Variants in AK5 observed in about 807,000 individuals in gnomAD.
The protein encoded by AK5 is adenylate kinase isoenzyme 5.
Under a neutral mutation model 69.5 loss-of-function variants are expected in AK5, and 27 were observed. The ratio of observed to expected loss-of-function variants is 0.39; its 90% CI spans 0.29 to 0.54. The LOEUF is 0.54. AK5 is among the 20% of genes least tolerant of loss of function. The pLI is 0.71. For synonymous variants in AK5, 260 were observed against 244.4 expected (o/e 1.06, Z -0.60); for missense variants, 531 against 700.4 (o/e 0.76, Z 2.73).
intron 6 of AK5, among the ~76,000 whole-genome samples, chr1:77,364,766 C>G (rs562333661): frequency 6.6e-6 from 1 of 152,118 alleles, no homozygotes; most frequent in Non-Finnish European, 1.5e-5. Flanking sequence ...TTTATCCATT[C>G]GTCTGTTGAT....
intron 6 of AK5, among the ~76,000 whole-genome samples, chr1:77,363,371 A>C (rs1334337435): frequency 6.6e-6 from 1 of 151,982 alleles, no homozygotes; most frequent in African/African-American, 2.4e-5. Flanking sequence ...CCATCTCTCT[A>C]CTGGATTCTT....
chr1:77,544,358 C>A (rs1270274955), intron 13 of AK5, among the ~76,000 whole-genome samples: 1 of 152,080 alleles, frequency 6.6e-6, no homozygotes, highest in Non-Finnish European at 1.5e-5. Context: ...AAATATTTTT[C>A]TTTCTTCAAT....
At chr1:77,433,425 G>A (rs1451326894) in intron 8 of AK5, among the ~76,000 whole-genome samples, 5 of 150,036 alleles carry the variant, frequency 3.3e-5, no homozygotes, top group South Asian at 2.1e-4. Flanking sequence ...CTTCTTGAGG[G>A]TAGGAAGCCA....
At chr1:77,343,520 A>G (rs970746280) in intron 6 of AK5, among the ~76,000 whole-genome samples, 1 of 152,194 alleles carries the variant, frequency 6.6e-6, no homozygotes, top group Non-Finnish European at 1.5e-5. Flanking sequence ...AACATGGTAG[A>G]TGATAGTAAT....
chr1:77,491,609 A>G (rs1204442513), intron 10 of AK5, among the ~76,000 whole-genome samples: 1 of 152,178 alleles, frequency 6.6e-6, no homozygotes, highest in East Asian at 1.9e-4. Flanking sequence ...TCAGCCATGA[A>G]TTGATTATTT....
chr1:77,395,643 ATC>A (rs2100537041), intron 6 of AK5, among the ~76,000 whole-genome samples: 1 of 152,334 alleles, frequency 6.6e-6, no homozygotes, highest in African/African-American at 2.4e-5. Context: ...GCAGAACAGC[ATC>A]TCTCATTGCA....
chr1:77,301,859 C>T (rs1659360420), intron 5 of AK5, among the ~76,000 whole-genome samples: 1 of 152,212 alleles, frequency 6.6e-6, no homozygotes, highest in Non-Finnish European at 1.5e-5. Flanking sequence ...TGCAAAGGTC[C>T]TTGCCCTGGC....
intron 8 of AK5, among the ~76,000 whole-genome samples, chr1:77,423,218 CTAAAAAAA>C (rs1216448749): frequency 3.6e-5 from 1 of 27,860 alleles, no homozygotes; most frequent in Non-Finnish European, 7.5e-5. Flanking sequence ...AAGACTCCGT[CTAAAAAAA>C]AAAATAAAAA....
chr1:77,339,174 A>G (rs1661519149), intron 5 of AK5, among the ~76,000 whole-genome samples: 1 of 152,278 alleles, frequency 6.6e-6, no homozygotes, highest in African/African-American at 2.4e-5. Context: ...TATCATATGT[A>G]CATGCATAAT....
At chr1:77,434,768 C>A (rs1268910117) in intron 8 of AK5, among the ~76,000 whole-genome samples, 1 of 152,188 alleles carries the variant, frequency 6.6e-6, no homozygotes, top group African/African-American at 2.4e-5. Flanking sequence ...ACTGGAAGCC[C>A]GTTTAAATAA....
rs577927318 is a variant in AK5 at position 77,487,050 on chromosome 1, AT to A, written c.1147+699del. Among the ~76,000 whole-genome samples the A allele has an allele frequency of 7.9e-5, 12 of 152,346 alleles. No homozygotes were observed. In the South Asian group the frequency reaches 2.5e-3, roughly 32 times the overall value. On this transcript the variant is annotated intron_variant, in intron 10 of 13. Transcript: ENST00000354567. ...AGCTCAATAGCCAGATCCTGATTCT[AT>A]ACAGCAAACAGTAAAAACTATCTAA...
At chr1:77,319,327 G>A (rs1436459386) in intron 5 of AK5, among the ~76,000 whole-genome samples, 2 of 152,220 alleles carry the variant, frequency 1.3e-5, no homozygotes, top group Non-Finnish European at 2.9e-5. Context: ...ATACATTTCA[G>A]AAGAGTCATC....
At chr1:77,319,688 T>G (rs1660423198) in intron 5 of AK5, among the ~76,000 whole-genome samples, 1 of 152,236 alleles carries the variant, frequency 6.6e-6, no homozygotes, top group South Asian at 2.1e-4. Context: ...AAAAGACCAG[T>G]TTCTTGAGAA....
intron 6 of AK5, among the ~76,000 whole-genome samples, chr1:77,393,398 G>T (rs559763660): frequency 6.6e-6 from 1 of 152,136 alleles, no homozygotes; most frequent in South Asian, 2.1e-4. Flanking sequence ...GTGAAAGCTA[G>T]GCACAGATTG....
chr1:77,502,357 A>G (rs762446808), intron 10 of AK5, among the ~76,000 whole-genome samples: 4 of 152,170 alleles, frequency 2.6e-5, no homozygotes, highest in Non-Finnish European at 4.4e-5. Context: ...GAAATGGGGC[A>G]GAAGAACTTG....
intron 7 of AK5, 142 bp downstream of exon 7, chr1:77,411,213 A>G: frequency 1.5e-6 from 1 of 680,258 alleles, no homozygotes. Flanking sequence ...TATAAAAATA[A>G]AAGTATAAAA....
intron 6 of AK5, among the ~76,000 whole-genome samples, chr1:77,394,762 A>G (rs1257712249): frequency 1.3e-5 from 2 of 152,128 alleles, no homozygotes; most frequent in South Asian, 2.1e-4. Flanking sequence ...CATAATCTAT[A>G]TTATATGATA....
At chr1:77,365,457 T>G (rs528237468) in intron 6 of AK5, among the ~76,000 whole-genome samples, 74 of 152,238 alleles carry the variant, frequency 4.9e-4, no homozygotes, top group Non-Finnish European at 9.7e-4. Flanking sequence ...TAGCAAATTA[T>G]TAACTCTGGT....
At chr1:77,388,064 A>G (rs1483318648) in intron 6 of AK5, among the ~76,000 whole-genome samples, 1 of 152,152 alleles carries the variant, frequency 6.6e-6, no homozygotes, top group Non-Finnish European at 1.5e-5. Context: ...CTGTTTCTTG[A>G]TCCATTATGA....
Sources: allele counts gnomAD v4.1 joint callset (sites outside exome capture counted in the v4.1 genomes callset), GRCh38; gene constraint gnomAD v4.1.1; transcripts MANE v1.5; gene names NCBI Gene and HGNC (gene_info 2026-07-23, HGNC 2026-07-21).